The following NRL variants were observed in gnomAD, a reference collection of about 807,000 sequenced individuals.
NRL encodes neural retina leucine zipper.
A neutral mutation model predicts 12.5 loss-of-function variants in NRL; 16 were observed. The observed-to-expected ratio is 1.28, with a 90% confidence interval of 0.87 to 1.95. The LOEUF (loss-of-function observed/expected upper bound fraction) is 1.95, where lower values mean the gene tolerates loss of function less well. NRL is among the 30% of genes most tolerant of loss of function. The pLI is 0.00. For synonymous variants in NRL, 142 were observed against 150.9 expected (o/e 0.94, Z 0.43); for missense variants, 314 against 325.8 (o/e 0.96, Z 0.28).
At position 24,085,908 on chromosome 14, in the gene NRL, G is replaced by T. The variant is rs1193358544; in HGVS notation, c.-27-3033C>A. Among the ~76,000 whole-genome samples the T allele has an allele frequency of 6.6e-6, 1 of 152,182 alleles. No homozygotes were observed. Among genetic ancestry groups the T allele is most frequent in the Non-Finnish European group, 1.5e-5 (1 of 68,024 alleles). ...GGGGCCCAGAAATCTGTGTTTTAAG[G>T]CCCTTCCAGCAAGTCTGACATGCTT... On this transcript the variant is annotated intron_variant, in intron 1 of 2. Coordinates refer to ENST00000561028, the MANE Select transcript of NRL (RefSeq NM_001354768.3). This position sits in a 1 kb window ranked among gnomAD's most constrained non-coding sequence, Gnocchi z 4.1.
Position 24,114,770 on chromosome 14 carries a change from G to A in NRL, c.-76C>T. On this transcript the variant is annotated 5_prime_UTR_variant, in exon 1 of 3. Transcript: ENST00000561028. ...TCCAGTTGGCTGGCCAAGGGGGCGG[G>A]GCCGTCGTGTGACGTTTGCAGCCCG... 2 of 985,944 alleles carry A rather than the reference G, an allele frequency of 2.0e-6. No homozygotes were observed. Among genetic ancestry groups the A allele is most frequent in the Middle Eastern group, 5.2e-4 (1 of 1,916 alleles). The allele number at this position is 985,944 out of a possible 1,614,324, so 61.1% of individuals were successfully genotyped here.
Position 24,094,101 on chromosome 14 carries a change from A to G in NRL, c.-27-11226T>C. On this transcript the variant is annotated intron_variant, in intron 1 of 2. Transcript: ENST00000561028. This position sits in a 1 kb window ranked among gnomAD's most constrained non-coding sequence, Gnocchi z 4.1. ...GCGGGGCCTCGAAGTCGGGGGCCGA[A>G]GAGTGGACCCAGTCCTCCAATGGGA... 3.7e-6 allele frequency: 2 copies of G among 534,198 alleles called. No individual in the cohort carries two copies. The highest frequency in any genetic ancestry group is 8.1e-5 in the Admixed American group (2 of 24,658). The allele number at this position is 534,198 out of a possible 1,614,324, so 33.1% of individuals were successfully genotyped here.
At chr14:24,096,788 G>A (rs2036904379) in intron 1 of NRL, 4 of 970,344 alleles carry the variant, frequency 4.1e-6, no homozygotes, top group Non-Finnish European at 6.4e-6. Flanking sequence ...CCTGCATGCA[G>A]ACATGTTTTA....
Position 24,079,008 on chromosome 14 carries a change from G to A in NRL, c.*2228C>T, listed in dbSNP as rs986988672. On this transcript the variant is annotated 3_prime_UTR_variant, in exon 3 of 3. Coordinates refer to ENST00000561028, the MANE Select transcript of NRL (RefSeq NM_001354768.3). ...TTTGTAGTGACAGGGTTCTCGCTAT[G>A]TTGCCCAGGCTGGTCTCAAACTTCC... 6.6e-6 allele frequency among the ~76,000 whole-genome samples: 1 copy of A among 152,186 alleles called. No individual in the cohort carries two copies. The highest frequency in any genetic ancestry group is 1.5e-5 in the Non-Finnish European group (1 of 68,030).
intron 1 of NRL, among the ~76,000 whole-genome samples, chr14:24,113,316 C>T (rs1397398483): frequency 2.1e-5 from 3 of 141,782 alleles, no homozygotes; most frequent in African/African-American, 8.1e-5. Context: ...CAGCATGGCA[C>T]ATGTATACAT....
intron 1 of NRL, chr14:24,110,448 T>A (rs1470023142): frequency 1.4e-5 from 3 of 217,994 alleles, no homozygotes; most frequent in African/African-American, 7.1e-5. Context: ...CGTTTTTGCA[T>A]CTATTACATG....
Position 24,081,949 on chromosome 14 carries a change from C to T in NRL, c.382-381G>A, listed in dbSNP as rs2036324734. The T allele has an allele frequency of 8.1e-7, 1 of 1,241,148 alleles. No individual in the cohort carries two copies. Among genetic ancestry groups the T allele is most frequent in the Non-Finnish European group, 1.0e-6 (1 of 980,376 alleles). 76.9% of individuals were successfully genotyped at this position (1,241,148 alleles called of 1,614,324 possible). On this transcript the variant is annotated intron_variant, in intron 2 of 2. Transcript: ENST00000561028. This position sits in a 1 kb window ranked among gnomAD's most constrained non-coding sequence, Gnocchi z 4.4. Reference sequence around the variant, plus strand: ...CCTCCAACGCGCTGCGTTTCCCTGTCCTGAAGCCTGCAACCCGGTGACCCT... The same window carrying T: ...CCTCCAACGCGCTGCGTTTCCCTGTTCTGAAGCCTGCAACCCGGTGACCCT...
chr14:24,096,918 T>G (rs1377251372), intron 1 of NRL: 1 of 1,613,538 alleles, frequency 6.2e-7, no homozygotes. Flanking sequence ...CTGAGCCCCT[T>G]GGGCTGGCCA....
chr14:24,094,622 C>T lies in NRL; in HGVS notation c.-27-11747G>A. Reference sequence around the variant, plus strand: ...CTCTTGGGAGGGCAGCCGGCCGGTGCTCCTCGTTTCCGCCTGCACCTCCCC... The same window carrying T: ...CTCTTGGGAGGGCAGCCGGCCGGTGTTCCTCGTTTCCGCCTGCACCTCCCC... On this transcript the variant is annotated intron_variant, in intron 1 of 2. Coordinates refer to ENST00000561028, the MANE Select transcript of NRL (RefSeq NM_001354768.3). This position sits in a 1 kb window ranked among gnomAD's most constrained non-coding sequence, Gnocchi z 4.1. 2 of 1,470,098 alleles carry T rather than the reference C, an allele frequency of 1.4e-6. No individual in the cohort carries two copies. Among genetic ancestry groups the T allele is most frequent in the East Asian group, 5.0e-5 (2 of 40,042 alleles). The allele number at this position is 1,470,098 out of a possible 1,614,324, so 91.1% of individuals were successfully genotyped here.
In NRL at chr14:24,082,806, C is replaced by G. The variant is rs779241955; in HGVS notation, c.43G>C (p.Asp15His). 6.2e-6 allele frequency: 10 copies of G among 1,614,006 alleles called. No individual in the cohort carries two copies. Among genetic ancestry groups the G allele is most frequent in the Non-Finnish European group, 8.5e-6 (10 of 1,180,018 alleles). The change falls in exon 2 of 3, where the codon GAC becomes CAC. Residue 15 changes from aspartate (D) to histidine (H), a missense_variant. Coordinates refer to ENST00000561028, the MANE Select transcript of NRL (RefSeq NM_001354768.3). Reference sequence around the variant, plus strand: ...ACCTCAAACTTCATCAAGTCAAAGTCATTGACATATTCCATGGCCAGGGGG... The same window carrying G: ...ACCTCAAACTTCATCAAGTCAAAGTGATTGACATATTCCATGGCCAGGGGG... Reference protein sequence around the residue: ...PSPLAMEYVNDFDLMKFEVKR... With the variant: ...PSPLAMEYVNHFDLMKFEVKR...
chr14:24,113,378 TA>T (rs370478810), intron 1 of NRL, among the ~76,000 whole-genome samples: 3,492 of 139,714 alleles, frequency 0.025, 92 homozygotes, highest in African/African-American at 0.067. Context: ...TAGAGTATAA[TA>T]AAAAAAAAAA....
At chr14:24,107,967 A>G (rs750827609) in intron 1 of NRL, among the ~76,000 whole-genome samples, 2 of 152,252 alleles carry the variant, frequency 1.3e-5, no homozygotes, top group Non-Finnish European at 2.9e-5. Context: ...TTATGAACTC[A>G]TGGATTTAAA....
At chr14:24,101,439 A>C (rs1370194803) in intron 1 of NRL, among the ~76,000 whole-genome samples, 1 of 152,172 alleles carries the variant, frequency 6.6e-6, no homozygotes, top group Non-Finnish European at 1.5e-5. Flanking sequence ...GGGGCCACAC[A>C]GTGGTGCTTC....
intron 1 of NRL, among the ~76,000 whole-genome samples, chr14:24,107,764 G>T (rs764339880): frequency 8.5e-5 from 13 of 152,132 alleles, no homozygotes; most frequent in Non-Finnish European, 1.6e-4. Context: ...TTGCAAAACA[G>T]CCATATTTGA....
chr14:24,099,965 G>A (rs375160037), intron 1 of NRL: 63 of 1,613,998 alleles, frequency 3.9e-5, no homozygotes, highest in Non-Finnish European at 5.3e-5. Context: ...TCCTTGTTTG[G>A]TCCTTCCTTT....
At chr14:24,107,305 T>C (rs1285960762) in intron 1 of NRL, among the ~76,000 whole-genome samples, 4 of 152,162 alleles carry the variant, frequency 2.6e-5, no homozygotes, top group South Asian at 2.1e-4. Flanking sequence ...TGATAAAATA[T>C]AGTTAACACA....
chr14:24,104,928 G>A (rs2037309956), intron 1 of NRL, among the ~76,000 whole-genome samples: 1 of 152,180 alleles, frequency 6.6e-6, no homozygotes. Flanking sequence ...GCTGAGACCA[G>A]CTCTGTCAAG....
intron 1 of NRL, chr14:24,093,923 A>C (rs777341230): frequency 6.8e-6 from 3 of 443,056 alleles, no homozygotes; most frequent in Admixed American, 4.3e-5. Flanking sequence ...GGCAATGCCC[A>C]ACCCCCTAAC....
intron 1 of NRL, among the ~76,000 whole-genome samples, chr14:24,104,310 C>T (rs2037289216): frequency 6.6e-6 from 1 of 151,640 alleles, no homozygotes; most frequent in Non-Finnish European, 1.5e-5. Flanking sequence ...GCACTATCCA[C>T]TCTATGTCCT....
Sources: allele counts gnomAD v4.1 joint callset (sites outside exome capture counted in the v4.1 genomes callset), GRCh38; gene constraint gnomAD v4.1.1; non-coding constraint Gnocchi (gnomAD v3.1); transcripts MANE v1.5; gene names NCBI Gene and HGNC (gene_info 2026-07-23, HGNC 2026-07-21).